TRIM42: variants seen among roughly 807,000 people sequenced by gnomAD.
TRIM42 encodes tripartite motif-containing protein 42.
A neutral mutation model predicts 64.9 loss-of-function variants in TRIM42; 59 were observed. The ratio of observed to expected loss-of-function variants is 0.91; its 90% CI spans 0.74 to 1.13. The LOEUF (loss-of-function observed/expected upper bound fraction) is 1.13. TRIM42 is among the 50% of genes most tolerant of loss of function. The probability of loss-of-function intolerance (pLI) is 0.00; values close to 1 mark genes in which losing one functional copy is unlikely to be tolerated. For missense variants in TRIM42, 878 were observed against 929.5 expected (o/e 0.94, Z 0.72); for synonymous variants, 354 against 346.3 (o/e 1.02, Z -0.25).
intron 4 of TRIM42, among the ~76,000 whole-genome samples, chr3:140,696,437 G>A (rs1988852062): frequency 6.6e-6 from 1 of 152,188 alleles, no homozygotes; most frequent in Non-Finnish European, 1.5e-5. Context: ...TTTCAGGCAG[G>A]ATGGACACCC....
Position 140,678,173 on chromosome 3 carries a change from T to C in TRIM42, c.-57T>C. On this transcript the variant is annotated 5_prime_UTR_variant, in exon 1 of 5. Transcript: ENST00000286349. ...CTCCACTGGAGAACTGATAGCAGTA[T>C]TCTGGTAGAGGAGGCATCAAGAGTC... The C allele has an allele frequency of 2.1e-6, 3 of 1,451,958 alleles. No homozygotes were observed. Among genetic ancestry groups the C allele is most frequent in the Admixed American group, 1.7e-5 (1 of 57,984 alleles). 89.9% of individuals were successfully genotyped at this position (1,451,958 alleles called of 1,614,324 possible).
chr3:140,692,564 G>C (rs201025866), intron 4 of TRIM42, among the ~76,000 whole-genome samples: 5,890 of 38,372 alleles, frequency 0.15, 343 homozygotes, highest in African/African-American at 0.26. Context: ...CACACACACA[G>C]AGAGAGATAG....
At chr3:140,691,356 C>T (rs777300466) in intron 4 of TRIM42, among the ~76,000 whole-genome samples, 164 bp downstream of exon 4, 2 of 152,176 alleles carry the variant, frequency 1.3e-5, no homozygotes, top group African/African-American at 4.8e-5. Flanking sequence ...CTGGCCTCAA[C>T]CAGACTTTGC....
chr3:140,689,933 G>A (rs1415948751), intron 3 of TRIM42, among the ~76,000 whole-genome samples: 1 of 151,866 alleles, frequency 6.6e-6, no homozygotes, highest in East Asian at 1.9e-4. Flanking sequence ...CTCTATACCT[G>A]GGCATGGAAA....
intron 1 of TRIM42, among the ~76,000 whole-genome samples, chr3:140,682,069 C>T (rs563172156): frequency 3.3e-5 from 5 of 152,082 alleles, no homozygotes; most frequent in African/African-American, 1.2e-4. Context: ...GATGTTCAAC[C>T]GAACACCAAG....
chr3:140,691,049 G>A lies in TRIM42; in HGVS notation c.1942G>A (p.Val648Ile), dbSNP rs373249749. The change falls in exon 4 of 5, where the codon GTA (valine) becomes ATA (isoleucine). Residue 648 changes from valine to isoleucine, a missense_variant. Val to Ile is a conservative substitution (Grantham distance 29). Coordinates refer to ENST00000286349, the MANE Select transcript of TRIM42 (RefSeq NM_152616.5). ...YEVITSPPNN[V>I]QMELCGQIRD... ...AGTCATTACTTCTCCTCCTAACAAC[G>A]TACAAATGGAGCTCTGTGGACAAAT... is the stretch of plus-strand genomic sequence containing the variant. The A allele has an allele frequency of 5.6e-5, 90 of 1,613,940 alleles. No homozygotes were observed. Among genetic ancestry groups the A allele is most frequent in the Non-Finnish European group, 7.1e-5 (84 of 1,179,994 alleles).
At chr3:140,694,365 A>G (rs1988797602) in intron 4 of TRIM42, among the ~76,000 whole-genome samples, 1 of 152,210 alleles carries the variant, frequency 6.6e-6, no homozygotes, top group African/African-American at 2.4e-5. Context: ...CTAACATCAA[A>G]GAGCCTAATT....
At chr3:140,679,864 T>G (rs902981340) in intron 1 of TRIM42, among the ~76,000 whole-genome samples, 2 of 152,080 alleles carry the variant, frequency 1.3e-5, no homozygotes, top group African/African-American at 2.4e-5. Context: ...TTAAAATTAC[T>G]GATGCCTGAT....
At chr3:140,697,943 A>G (rs1203655833) in intron 4 of TRIM42, among the ~76,000 whole-genome samples, 3 of 152,124 alleles carry the variant, frequency 2.0e-5, no homozygotes, top group Non-Finnish European at 2.9e-5. Flanking sequence ...TCAGCCTCCC[A>G]AAGTGCTGGG....
In TRIM42 at chr3:140,682,950, T is replaced by C; in HGVS notation, c.830T>C (p.Phe277Ser). Reference protein sequence around the residue: ...HSDVAMQDHVFVDTSAEEQDE... With the variant: ...HSDVAMQDHVSVDTSAEEQDE... ...GATGTGGCCATGCAAGACCACGTCT[T>C]TGTGGACACCAGCGCCGAGGAACAG... Residue 277 changes from phenylalanine (F) to serine (S), a missense_variant, in exon 2 of 5, where the codon TTT becomes TCT. Transcript: ENST00000286349. 1.9e-6 allele frequency: 3 copies of C among 1,614,236 alleles called. No individual in the cohort carries two copies. The highest frequency in any genetic ancestry group is 2.5e-6 in the Non-Finnish European group (3 of 1,180,034).
At chr3:140,682,205 T>A (rs1343618490) in intron 1 of TRIM42, among the ~76,000 whole-genome samples, 1 of 152,200 alleles carries the variant, frequency 6.6e-6, no homozygotes, top group African/African-American at 2.4e-5. Context: ...AATTTTAATC[T>A]TCTCAAGAAA....
chr3:140,698,187 A>C (rs1988906072), intron 4 of TRIM42, among the ~76,000 whole-genome samples: 1 of 152,182 alleles, frequency 6.6e-6, no homozygotes, highest in Non-Finnish European at 1.5e-5. Context: ...GAAATTATTT[A>C]GCTAATCATA....
intron 1 of TRIM42, among the ~76,000 whole-genome samples, chr3:140,682,144 A>G (rs1176920280): frequency 6.6e-6 from 1 of 152,218 alleles, no homozygotes; most frequent in Non-Finnish European, 1.5e-5. Flanking sequence ...CAGTCTCAGC[A>G]CACTGGCTGT....
At chr3:140,695,673 T>G (rs1389325902) in intron 4 of TRIM42, among the ~76,000 whole-genome samples, 1 of 152,184 alleles carries the variant, frequency 6.6e-6, no homozygotes, top group African/African-American at 2.4e-5. Flanking sequence ...CAGGACTGCC[T>G]GGCCATCATG....
In TRIM42 at chr3:140,678,217, T is replaced by A. The variant is rs778242387; in HGVS notation, c.-13T>A. ...AAGAGTCCTGGGAGGCCGGTGGTAA[T>A]CATGTAGGCACCATGGAAACTGCTA... On this transcript the variant is annotated 5_prime_UTR_variant, in exon 1 of 5. Transcript: ENST00000286349. The A allele has an allele frequency of 2.5e-6, 4 of 1,606,896 alleles. No homozygotes were observed. The highest frequency in any genetic ancestry group is 3.4e-6 in the Non-Finnish European group (4 of 1,174,392).
Position 140,700,876 on chromosome 3 carries a change from T to A in TRIM42, c.2086-12T>A. On this transcript the variant is annotated splice_polypyrimidine_tract_variant and intron_variant, in intron 4 of 4. Transcript: ENST00000286349. ...TCTATTGGGTGTCATGACTCTTCGC[T>A]TCTGATTGCAGGTGGTAACACCAGA... 6.2e-7 allele frequency: 1 copy of A among 1,613,844 alleles called. No individual in the cohort carries two copies. Among genetic ancestry groups the A allele is most frequent in the Non-Finnish European group, 8.5e-7 (1 of 1,179,764 alleles).
chr3:140,679,430 T>C (rs1332061861), intron 1 of TRIM42, among the ~76,000 whole-genome samples: 2 of 152,148 alleles, frequency 1.3e-5, no homozygotes, highest in African/African-American at 4.8e-5. Context: ...AGCGGAAAGA[T>C]GACAGCACCA....
Position 140,700,884 on chromosome 3 carries a change from G to A in TRIM42, c.2086-4G>A, listed in dbSNP as rs1452628827. The A allele has an allele frequency of 2.5e-6, 4 of 1,613,850 alleles. No individual in the cohort carries two copies. Among genetic ancestry groups the A allele is most frequent in the Non-Finnish European group, 2.5e-6 (3 of 1,179,870 alleles). On this transcript the variant is annotated splice_polypyrimidine_tract_variant and splice_region_variant and intron_variant, in intron 4 of 4. Coordinates refer to ENST00000286349, the MANE Select transcript of TRIM42 (RefSeq NM_152616.5). ...GTGTCATGACTCTTCGCTTCTGATT[G>A]CAGGTGGTAACACCAGATGGACATG...
chr3:140,682,869 G>A lies in TRIM42; in HGVS notation c.749G>A (p.Arg250His), dbSNP rs1988446334. 1.2e-6 allele frequency: 2 copies of A among 1,614,184 alleles called. No individual in the cohort carries two copies. The highest frequency in any genetic ancestry group is 1.1e-5 in the South Asian group (1 of 91,082). The change falls in exon 2 of 5, where the codon CGC becomes CAC. Residue 250 changes from arginine (R) to histidine (H), a missense_variant. Transcript: ENST00000286349. ...CGCAACAAGCGCATCGCTTACAAGC[G>A]CTGCATCACCTGCCGCCTCAACCTG... ...VCRNKRIAYK[R>H]CITCRLNLCN...
Sources: gnomAD v4.1 joint callset for allele counts (sites outside exome capture counted in the v4.1 genomes callset) on GRCh38, gnomAD v4.1.1 for gene constraint, MANE v1.5 for transcripts, NCBI Gene and HGNC (gene_info 2026-07-23, HGNC 2026-07-21) for gene names.